ABAT: variants seen among roughly 807,000 people sequenced by gnomAD.
ABAT encodes the protein 4-aminobutyrate aminotransferase, mitochondrial.
ABAT carries 45 observed loss-of-function variants against 64.6 expected under a neutral mutation model. The observed-to-expected ratio is 0.70, with a 90% CI of 0.55 to 0.89. ABAT has a LOEUF of 0.89. Among genes scored for constraint, ABAT ranks in the 40% least tolerant of loss-of-function variants. ABAT has a pLI of 0.00. For synonymous variants in ABAT, 297 were observed against 250.5 expected, an observed-to-expected ratio of 1.19 and a Z score of -1.75; for missense variants, 633 against 658.4, an observed-to-expected ratio of 0.96 and a Z score of 0.42.
intron 10 of ABAT, 104 bp from the exon 11 acceptor site, chr16:8,768,721 C>T: frequency 3.9e-6 from 6 of 1,520,424 alleles, no homozygotes; most frequent in Non-Finnish European, 5.4e-6. Context: ...GGCCTCCCTG[C>T]CCACTGACAG....
chr16:8,767,298 G>T (rs1219319790), intron 9 of ABAT, among the ~76,000 whole-genome samples: 1 of 152,224 alleles, frequency 6.6e-6, no homozygotes, highest in African/African-American at 2.4e-5. Flanking sequence ...TGCCATGGGA[G>T]AGTGCCCGGA....
rs1182586282 is a variant in ABAT, at chr16:8,783,774, T to C, written c.*2344T>C. 6.6e-6 allele frequency: 1 copy of C among 152,152 alleles called. No individual in the cohort carries two copies. Among genetic ancestry groups the C allele is most frequent in the Non-Finnish European group, 1.5e-5 (1 of 68,024 alleles). The allele number at this position is 152,152 out of a possible 1,614,324, so 9.4% of individuals were successfully genotyped here. A position where few individuals can be genotyped will look rare whatever the true frequency, so the allele number is the denominator to read the frequency against. ...GCCAGGGCACAACCAGAAAAGTGGC[T>C]CTCTTTGGTAGGGAGAGGGGCTCCA... On this transcript the variant is annotated 3_prime_UTR_variant, in exon 16 of 16. Coordinates refer to ENST00000268251, the MANE Select transcript of ABAT (RefSeq NM_020686.6).
intron 1 of ABAT, among the ~76,000 whole-genome samples, chr16:8,710,924 C>G (rs2058057265): frequency 6.6e-6 from 1 of 152,204 alleles, no homozygotes; most frequent in Non-Finnish European, 1.5e-5. Flanking sequence ...TTACAACCAG[C>G]AACCAACATT....
chr16:8,693,465 T>C (rs1596401967), intron 1 of ABAT, among the ~76,000 whole-genome samples: 1 of 152,188 alleles, frequency 6.6e-6, no homozygotes, highest in Non-Finnish European at 1.5e-5. Flanking sequence ...TTAGGTCTTT[T>C]TATTTTTAGT....
At chr16:8,763,464 C>A (rs1171405700) in intron 6 of ABAT, among the ~76,000 whole-genome samples, 1 of 152,212 alleles carries the variant, frequency 6.6e-6, no homozygotes, top group Admixed American at 6.5e-5. Context: ...CTCTGGGAAC[C>A]CCTCTGCCCT....
chr16:8,752,901 ATATTGC>A (rs1184592655), intron 5 of ABAT, among the ~76,000 whole-genome samples: 4 of 152,252 alleles, frequency 2.6e-5, no homozygotes, highest in African/African-American at 9.6e-5. Flanking sequence ...TGCACTTGGC[ATATTGC>A]CAAGTGCCTT....
At chr16:8,725,026 C>A (rs554744745) in intron 1 of ABAT, among the ~76,000 whole-genome samples, 2 of 151,890 alleles carry the variant, frequency 1.3e-5, no homozygotes, top group African/African-American at 4.8e-5. Flanking sequence ...AAGCGATTCT[C>A]CCGCCTCAGC....
At chr16:8,763,542 A>G (rs1293758057) in intron 6 of ABAT, among the ~76,000 whole-genome samples, 1 of 152,082 alleles carries the variant, frequency 6.6e-6, no homozygotes, top group African/African-American at 2.4e-5. Flanking sequence ...ATTTTGCCCA[A>G]GACACTCTTT....
intron 3 of ABAT, 101 bp from the exon 4 acceptor site, chr16:8,748,007 A>C: frequency 8.5e-7 from 1 of 1,181,432 alleles, no homozygotes; most frequent in Non-Finnish European, 1.2e-6. Flanking sequence ...AGTTATTGGC[A>C]AAAGAAAAAA....
Position 8,776,329 on chromosome 16 carries a change from C to T in ABAT, c.1123-15C>T, listed in dbSNP as rs376574278. 31 of 1,614,144 alleles carry T rather than the reference C, an allele frequency of 1.9e-5. No individual in the cohort carries two copies. In the East Asian group the frequency reaches 3.6e-4, roughly 19 times the overall value. ...CATGTGTGTGAAGCCTTCCAACACC[C>T]GTTCCTCATTCCAGCCCTACCGGAT... is the stretch of plus-strand genomic sequence containing the variant. On this transcript the variant is annotated splice_polypyrimidine_tract_variant and intron_variant, in intron 13 of 15. Coordinates refer to ENST00000268251, the MANE Select transcript of ABAT (RefSeq NM_020686.6). This position sits in a 1 kb window ranked among gnomAD's most constrained non-coding sequence, Gnocchi z 4.4.
At chr16:8,707,425 A>G (rs1368385942) in intron 1 of ABAT, among the ~76,000 whole-genome samples, 2 of 147,904 alleles carry the variant, frequency 1.4e-5, no homozygotes, top group Non-Finnish European at 3.0e-5. Context: ...GGGCCCAGGC[A>G]ATCCTCCCAT....
chr16:8,685,896 G>A (rs1208186153), intron 1 of ABAT, among the ~76,000 whole-genome samples: 1 of 152,160 alleles, frequency 6.6e-6, no homozygotes. Context: ...GCAGTGATGT[G>A]ATTTTGTTAT....
chr16:8,731,826 G>A (rs1001156861), intron 1 of ABAT, among the ~76,000 whole-genome samples: 10 of 151,120 alleles, frequency 6.6e-5, no homozygotes, highest in African/African-American at 1.7e-4. Context: ...CCCAGCCCTC[G>A]GCAACCTCTT....
chr16:8,757,435 T>C, intron 5 of ABAT: 1 of 374,298 alleles, frequency 2.7e-6, no homozygotes, highest in Non-Finnish European at 5.2e-6. Flanking sequence ...CCCGAAGTGC[T>C]GGGATTACAG....
At chr16:8,694,990 C>T (rs797009660) in intron 1 of ABAT, among the ~76,000 whole-genome samples, 1 of 152,238 alleles carries the variant, frequency 6.6e-6, no homozygotes, top group South Asian at 2.1e-4. Context: ...ACTTGATTGT[C>T]AGGCCCAGCT....
intron 1 of ABAT, among the ~76,000 whole-genome samples, chr16:8,722,582 C>T (rs2058403348): frequency 2.0e-5 from 3 of 152,174 alleles, no homozygotes; most frequent in Admixed American, 2.0e-4. Context: ...ATGCCAAGAA[C>T]TGAGGTTCGG....
At chr16:8,740,551 A>G (rs1431106000) in intron 2 of ABAT, among the ~76,000 whole-genome samples, 1 of 152,220 alleles carries the variant, frequency 6.6e-6, no homozygotes, top group Non-Finnish European at 1.5e-5. Context: ...CCTCAAAGCA[A>G]GAGAGGGTGC....
In ABAT at chr16:8,781,307, A is replaced by G. The variant is rs2060432327; in HGVS notation, c.1382-2A>G. ...TCCTCACCTACCTCCTGCCTCTTTC[A>G]GGTGTGGTGTTGGGTGGCTGTGGTG... On this transcript the variant is annotated splice_acceptor_variant, in intron 15 of 15. Transcript: ENST00000268251. LOFTEE classifies it high-confidence loss of function. This position sits in a 1 kb window ranked among gnomAD's most constrained non-coding sequence, Gnocchi z 4.5. 2 of 1,613,920 alleles carry G rather than the reference A, an allele frequency of 1.2e-6. No individual in the cohort carries two copies. Among genetic ancestry groups the G allele is most frequent in the African/African-American group, 1.3e-5 (1 of 74,898 alleles).
chr16:8,701,169 C>A (rs2057813651), intron 1 of ABAT, among the ~76,000 whole-genome samples: 2 of 152,026 alleles, frequency 1.3e-5, no homozygotes. Flanking sequence ...AACTCCTGAA[C>A]TAAAGTGATC....
Sources: allele counts gnomAD v4.1 joint callset (sites outside exome capture counted in the v4.1 genomes callset), GRCh38; gene constraint gnomAD v4.1.1; non-coding constraint Gnocchi (gnomAD v3.1); transcripts MANE v1.5; gene names NCBI Gene and HGNC (gene_info 2026-07-23, HGNC 2026-07-21).